Variants in NOL4L observed in about 807,000 individuals in gnomAD.
NOL4L encodes nucleolar protein 4-like.
In NOL4L, 7 loss-of-function variants were observed where a neutral mutation model predicts 64.5. That is an observed-to-expected ratio of 0.11 (90% CI 0.06 to 0.20). NOL4L has a LOEUF of 0.20. Among genes scored for constraint, NOL4L ranks in the 10% least tolerant of loss-of-function variants. The pLI is 1.00. For synonymous variants in NOL4L, 413 were observed against 401.0 expected (o/e 1.03, Z -0.36); for missense variants, 680 against 967.1 (o/e 0.70, Z 3.94).
intron 1 of NOL4L, chr20:32,536,027 G>C (rs2018509838): frequency 2.0e-6 from 2 of 985,560 alleles, no homozygotes. Context: ...CCCCAGGCAA[G>C]GGGCTGTCCT....
chr20:32,569,265 A>G (rs1189689694), intron 1 of NOL4L, among the ~76,000 whole-genome samples: 1 of 152,188 alleles, frequency 6.6e-6, no homozygotes, highest in Non-Finnish European at 1.5e-5. Flanking sequence ...GCTGAAGGAA[A>G]GTGAGCAGGG....
At position 32,447,404 on chromosome 20, in the gene NOL4L, A is replaced by T; in HGVS notation, c.*192T>A. 1 of 203,924 alleles carries T rather than the reference A, an allele frequency of 4.9e-6. No individual in the cohort carries two copies. The highest frequency in any genetic ancestry group is 8.0e-6 in the Non-Finnish European group (1 of 125,098). 12.6% of individuals were successfully genotyped at this position (203,924 alleles called of 1,614,324 possible). A position where few individuals can be genotyped will look rare whatever the true frequency, so the allele number is the denominator to read the frequency against. On this transcript the variant is annotated 3_prime_UTR_variant, in exon 11 of 11. Coordinates refer to ENST00000621426, the MANE Select transcript of NOL4L (RefSeq NM_001256798.2). ...CAGAGCACCCGTGTGGTGAGATTCC[A>T]AAAAAAAAAAAAAAAAAAAAAAAAA...
In NOL4L at chr20:32,445,467, TAA is replaced by T. The variant is rs1309751049; in HGVS notation, c.*2127_*2128del. On this transcript the variant is annotated 3_prime_UTR_variant, in exon 11 of 11. Transcript: ENST00000621426. ...GATTGTCTCTGCCAGGTTTTAACAT[TAA>T]GATTTTCACAAATAATTGCCTGGGG... 3 of 134,844 alleles carry T rather than the reference TAA, an allele frequency of 2.2e-5. No individual in the cohort carries two copies. Among genetic ancestry groups the T allele is most frequent in the Admixed American group, 2.1e-4 (3 of 14,440 alleles). 8.4% of individuals were successfully genotyped at this position (134,844 alleles called of 1,614,324 possible). A position where few individuals can be genotyped will look rare whatever the true frequency, so the allele number is the denominator to read the frequency against.
intron 1 of NOL4L, among the ~76,000 whole-genome samples, chr20:32,563,302 G>A: frequency 1.5e-5 from 2 of 133,342 alleles, no homozygotes; most frequent in African/African-American, 5.7e-5. Context: ...GGGAGGGAGG[G>A]TAGAGAACAG....
At chr20:32,465,125 C>T in intron 5 of NOL4L, 1 of 518,008 alleles carries the variant, frequency 1.9e-6, no homozygotes, top group Non-Finnish European at 3.5e-6. Context: ...GCCCTGGAGA[C>T]AGACACCACC....
chr20:32,488,176 C>T (rs532836295), intron 4 of NOL4L, among the ~76,000 whole-genome samples: 10 of 152,272 alleles, frequency 6.6e-5, no homozygotes, highest in African/African-American at 1.4e-4. Flanking sequence ...GTGATCCACC[C>T]GCCTTGGCCT....
chr20:32,493,459 C>T (rs960100650), intron 4 of NOL4L, among the ~76,000 whole-genome samples: 5 of 152,098 alleles, frequency 3.3e-5, no homozygotes, highest in South Asian at 2.1e-4. Flanking sequence ...GCTGCGGACA[C>T]GCTCTGTTTG....
intron 4 of NOL4L, among the ~76,000 whole-genome samples, chr20:32,500,184 A>G (rs543122198): frequency 6.6e-6 from 1 of 152,230 alleles, no homozygotes; most frequent in Non-Finnish European, 1.5e-5. Context: ...CTTCAGTACC[A>G]ATGGGCACAC....
chr20:32,545,398 A>G (rs2018717704), intron 1 of NOL4L, among the ~76,000 whole-genome samples: 1 of 152,124 alleles, frequency 6.6e-6, no homozygotes, highest in Non-Finnish European at 1.5e-5. Flanking sequence ...CCTTGGGGCC[A>G]CTCACACGTG....
intron 5 of NOL4L, chr20:32,465,204 C>G: frequency 2.2e-6 from 1 of 458,902 alleles, no homozygotes; most frequent in Non-Finnish European, 4.0e-6. Context: ...GGTAACTCAT[C>G]ATGCCTGATT....
chr20:32,541,551 T>C (rs1375374338), intron 1 of NOL4L, among the ~76,000 whole-genome samples: 1 of 152,156 alleles, frequency 6.6e-6, no homozygotes, highest in Non-Finnish European at 1.5e-5. Flanking sequence ...GGAGCTCGTC[T>C]GGCCACAGCC....
intron 5 of NOL4L, among the ~76,000 whole-genome samples, chr20:32,473,575 CCAAA>C: frequency 6.6e-6 from 1 of 152,316 alleles, no homozygotes; most frequent in East Asian, 1.9e-4. Flanking sequence ...GGGTCTCCTC[CCAAA>C]CAAAGCCGGA....
chr20:32,510,384 C>T (rs1600791911), intron 4 of NOL4L: 1 of 211,870 alleles, frequency 4.7e-6, no homozygotes, highest in South Asian at 7.6e-5. Context: ...TAACACGGGC[C>T]AAGATGCCAC....
At chr20:32,524,879 T>C (rs1270776249) in intron 2 of NOL4L, among the ~76,000 whole-genome samples, 1 of 151,894 alleles carries the variant, frequency 6.6e-6, no homozygotes, top group Non-Finnish European at 1.5e-5. Flanking sequence ...GGGTGACAGA[T>C]GGGGAGGAGA....
At chr20:32,548,767 T>A (rs889552618) in intron 1 of NOL4L, 1 of 425,448 alleles carries the variant, frequency 2.4e-6, no homozygotes, top group African/African-American at 2.1e-5. Flanking sequence ...TGGCCATCCA[T>A]ATTCAGGGAT....
chr20:32,532,436 G>A, intron 1 of NOL4L: 1 of 933,886 alleles, frequency 1.1e-6, no homozygotes, highest in Non-Finnish European at 1.3e-6. Context: ...CAGCAACAAA[G>A]GGATCCGACA....
intron 4 of NOL4L, among the ~76,000 whole-genome samples, chr20:32,479,172 C>G (rs578067221): frequency 2.6e-5 from 4 of 152,312 alleles, no homozygotes; most frequent in African/African-American, 9.6e-5. Flanking sequence ...ATCACACAGG[C>G]AGTTACAAGT....
chr20:32,572,505 G>A (rs1388756736), intron 1 of NOL4L: 1 of 152,220 alleles, frequency 6.6e-6, no homozygotes, highest in Non-Finnish European at 1.5e-5. Flanking sequence ...ATGGATCCAA[G>A]CCAGTTGGTG....
At chr20:32,488,801 TTCTTTTTCTTTC>T (rs1397326557) in intron 4 of NOL4L, among the ~76,000 whole-genome samples, 3 of 22,934 alleles carry the variant, frequency 1.3e-4, no homozygotes, top group Admixed American at 1.0e-3. Context: ...CTTTCTTTCT[TTCTTTTTCTTTC>T]TTTCTTTCTT....
Sources: gnomAD v4.1 joint callset for allele counts (sites outside exome capture counted in the v4.1 genomes callset) on GRCh38, gnomAD v4.1.1 for gene constraint, MANE v1.5 for transcripts, NCBI Gene and HGNC (gene_info 2026-07-23, HGNC 2026-07-21) for gene names.